Variants in GPC3 observed in about 807,000 individuals in gnomAD.
GPC3 encodes the protein glypican 3.
In GPC3, 3 loss-of-function variants were observed where a neutral mutation model predicts 34.4. The observed-to-expected ratio is 0.09, with a 90% CI of 0.04 to 0.23. GPC3 has a LOEUF of 0.23. GPC3 is among the 10% of genes least tolerant of loss of function. GPC3 has a pLI of 1.00. For synonymous variants in GPC3, 177 were observed against 174.0 expected, an observed-to-expected ratio of 1.02 and a Z score of -0.13; for missense variants, 351 against 445.6, an observed-to-expected ratio of 0.79 and a Z score of 1.91.
At chrX:133,791,669 G>T (rs754312302) in intron 2 of GPC3, among the ~76,000 whole-genome samples, 2 of 109,986 alleles carry the variant, frequency 1.8e-5, no homozygotes, top group South Asian at 7.9e-4. Context: ...CAGTTTTCCT[G>T]ACCTAAACAC....
chrX:133,548,086 C>T (rs1451841912), intron 7 of GPC3, among the ~76,000 whole-genome samples: 1 of 112,424 alleles, frequency 8.9e-6, no homozygotes, highest in Non-Finnish European at 1.9e-5. Context: ...AGCATACACT[C>T]TGTCCTTATA....
chrX:133,865,696 G>T (rs972436243), intron 2 of GPC3, among the ~76,000 whole-genome samples: 1 of 112,071 alleles, frequency 8.9e-6, no homozygotes, highest in Admixed American at 9.5e-5. Flanking sequence ...GGTCAGCAAC[G>T]AAGCTGATAG....
chrX:133,704,087 G>T, intron 3 of GPC3: 1 of 354,400 alleles, frequency 2.8e-6, no homozygotes, highest in Non-Finnish European at 4.8e-6. Flanking sequence ...GACAAGCTTG[G>T]TCTAGATCAT....
intron 2 of GPC3, among the ~76,000 whole-genome samples, chrX:133,829,924 T>C (rs1360932777): frequency 8.9e-6 from 1 of 112,058 alleles, no homozygotes; most frequent in African/African-American, 3.2e-5. Flanking sequence ...ATAGTAAAGA[T>C]GTAATCTTCC....
intron 7 of GPC3, among the ~76,000 whole-genome samples, chrX:133,540,809 G>A (rs2069333403): frequency 9.0e-6 from 1 of 110,931 alleles, no homozygotes; most frequent in African/African-American, 3.3e-5. Context: ...CAGGCAGAGG[G>A]TACAGCCTGA....
At position 133,754,196 on chromosome X, in the gene GPC3, A is replaced by G; in HGVS notation, c.338-20T>C. ...AGGCCTCTGTAAAAAAAAAAAAAAA[A>G]GAGACACAAAAATGTGTACAAATTA... On this transcript the variant is annotated intron_variant, in intron 2 of 7. Transcript: ENST00000370818. 1 of 987,068 alleles carries G rather than the reference A, an allele frequency of 1.0e-6. No homozygotes were observed. 81.3% of individuals were successfully genotyped at this position (987,068 alleles called of 1,213,427 possible).
chrX:133,850,891 A>C (rs2075870656), intron 2 of GPC3, among the ~76,000 whole-genome samples: 1 of 109,648 alleles, frequency 9.1e-6, no homozygotes, highest in Non-Finnish European at 1.9e-5. Flanking sequence ...GGAGATCAAG[A>C]TCATCCTGGT....
intron 2 of GPC3, among the ~76,000 whole-genome samples, chrX:133,812,190 T>C (rs1455844122): frequency 8.9e-6 from 1 of 112,063 alleles, no homozygotes; most frequent in Admixed American, 9.5e-5. Flanking sequence ...GAGACTGATA[T>C]AAATGGGTCT....
chrX:133,905,919 A>C (rs1018653951), intron 2 of GPC3, among the ~76,000 whole-genome samples: 1 of 112,278 alleles, frequency 8.9e-6, no homozygotes, highest in African/African-American at 3.2e-5. Flanking sequence ...CAATAACCTT[A>C]ATATGTCATA....
At chrX:133,920,906 C>A (rs1489781749) in intron 2 of GPC3, among the ~76,000 whole-genome samples, 1 of 112,016 alleles carries the variant, frequency 8.9e-6, no homozygotes. Context: ...ATGGGTATAA[C>A]ATGATTAACT....
At chrX:133,661,053 C>T (rs1358785952) in intron 6 of GPC3, among the ~76,000 whole-genome samples, 2 of 110,070 alleles carry the variant, frequency 1.8e-5, no homozygotes, top group Admixed American at 1.9e-4. Flanking sequence ...CCTATAGTAC[C>T]AGCTACTCGG....
At chrX:133,922,735 G>T (rs1440615592) in intron 2 of GPC3, among the ~76,000 whole-genome samples, 1 of 108,246 alleles carries the variant, frequency 9.2e-6, no homozygotes, top group Non-Finnish European at 1.9e-5. Flanking sequence ...GGCTTAGATA[G>T]GTTGTGCAAC....
At chrX:133,674,398 T>A (rs1603220021) in intron 5 of GPC3, among the ~76,000 whole-genome samples, 1 of 111,111 alleles carries the variant, frequency 9.0e-6, no homozygotes, top group East Asian at 2.8e-4. Flanking sequence ...TGAGTAGGAA[T>A]GGCTTATCAT....
chrX:133,704,001 A>T (rs1263268669), intron 3 of GPC3, among the ~76,000 whole-genome samples: 1 of 112,424 alleles, frequency 8.9e-6, no homozygotes, highest in African/African-American at 3.2e-5. Flanking sequence ...ATAATGTTTT[A>T]AGAAAGTTTA....
intron 2 of GPC3, among the ~76,000 whole-genome samples, chrX:133,949,895 A>C (rs1291543811): frequency 8.9e-6 from 1 of 112,246 alleles, no homozygotes; most frequent in East Asian, 2.8e-4. Context: ...GGCTCAGAAG[A>C]AGCTGTGGCA....
chrX:133,588,681 A>C (rs1407808263), intron 7 of GPC3, among the ~76,000 whole-genome samples: 2 of 111,086 alleles, frequency 1.8e-5, no homozygotes, highest in Non-Finnish European at 3.8e-5. Flanking sequence ...CAGGCTTATT[A>C]GGAGTAGAAG....
intron 7 of GPC3, among the ~76,000 whole-genome samples, chrX:133,574,319 A>G (rs2069657640): frequency 9.0e-6 from 1 of 111,274 alleles, no homozygotes; most frequent in Non-Finnish European, 1.9e-5. Flanking sequence ...TTGTATGGTT[A>G]TGTGAATTAT....
chrX:133,886,135 CTG>C (rs1380225772), intron 2 of GPC3, among the ~76,000 whole-genome samples: 1 of 111,197 alleles, frequency 9.0e-6, no homozygotes, highest in Admixed American at 9.6e-5. Flanking sequence ...TCAATCAACT[CTG>C]TGAGATAGAT....
intron 2 of GPC3, among the ~76,000 whole-genome samples, chrX:133,840,059 G>C (rs996971986): frequency 2.7e-5 from 3 of 110,958 alleles, no homozygotes; most frequent in African/African-American, 9.8e-5. Context: ...TAGGTATTAG[G>C]AGGCCTAGAT....
Sources: gnomAD v4.1 joint callset for allele counts (sites outside exome capture counted in the v4.1 genomes callset) on GRCh38, gnomAD v4.1.1 for gene constraint, MANE v1.5 for transcripts, NCBI Gene and HGNC (gene_info 2026-07-23, HGNC 2026-07-21) for gene names.